The following KLHL1 variants were observed in gnomAD, a reference collection of about 807,000 sequenced individuals.
The protein encoded by KLHL1 is kelch-like protein 1.
In KLHL1, 47 loss-of-function variants were observed where a neutral mutation model predicts 77.7. That is an observed-to-expected ratio of 0.60 (90% CI 0.48 to 0.77). The LOEUF is 0.77. Ranked by LOEUF, KLHL1 falls within the 30% of genes least tolerant of loss-of-function variation. The pLI is 0.00. For missense variants in KLHL1, 925 were observed against 910.8 expected, an observed-to-expected ratio of 1.02 and a Z score of -0.20; for synonymous variants, 360 against 325.2, an observed-to-expected ratio of 1.11 and a Z score of -1.15.
intron 1 of KLHL1, among the ~76,000 whole-genome samples, chr13:70,068,902 A>G (rs1202963548): frequency 6.6e-6 from 1 of 152,164 alleles, no homozygotes; most frequent in African/African-American, 2.4e-5. Flanking sequence ...CAGGAGCCCT[A>G]CAAGGTTCTT....
chr13:69,930,434 A>G (rs187637674), intron 4 of KLHL1, among the ~76,000 whole-genome samples: 8 of 151,954 alleles, frequency 5.3e-5, no homozygotes, highest in Non-Finnish European at 1.0e-4. Context: ...CTTAAAAACC[A>G]AGCTTTAGAG....
intron 5 of KLHL1, among the ~76,000 whole-genome samples, chr13:69,841,461 TAC>T (rs2138114763): frequency 6.6e-6 from 1 of 151,912 alleles, no homozygotes; most frequent in South Asian, 2.1e-4. Context: ...CCATTTTATT[TAC>T]AGTGACTAAA....
At chr13:70,069,589 T>A (rs1887092813) in intron 1 of KLHL1, among the ~76,000 whole-genome samples, 1 of 152,028 alleles carries the variant, frequency 6.6e-6, no homozygotes, top group African/African-American at 2.4e-5. Context: ...GCAGACAACA[T>A]GCAATAGCAG....
intron 1 of KLHL1, among the ~76,000 whole-genome samples, chr13:70,045,942 T>C (rs1886485445): frequency 6.6e-6 from 1 of 152,180 alleles, no homozygotes; most frequent in African/African-American, 2.4e-5. Flanking sequence ...CTGGTAAAGG[T>C]TTCCTTTGTA....
At chr13:69,883,990 T>G (rs963625653) in intron 4 of KLHL1, among the ~76,000 whole-genome samples, 2 of 152,180 alleles carry the variant, frequency 1.3e-5, no homozygotes, top group African/African-American at 4.8e-5. Flanking sequence ...GTATAAAAAC[T>G]GCAGTAGAGT....
chr13:70,044,029 G>A (rs755722719), intron 1 of KLHL1, among the ~76,000 whole-genome samples: 1 of 151,948 alleles, frequency 6.6e-6, no homozygotes, highest in African/African-American at 2.4e-5. Flanking sequence ...GTAAATTCCC[G>A]TTGTCCTATT....
intron 6 of KLHL1, among the ~76,000 whole-genome samples, chr13:69,800,622 A>G (rs1210883268): frequency 6.6e-6 from 1 of 152,144 alleles, no homozygotes; most frequent in African/African-American, 2.4e-5. Context: ...ATTATTAATA[A>G]TAATATCCTT....
chr13:70,019,894 CCATCCT>C (rs1885747473), intron 1 of KLHL1, among the ~76,000 whole-genome samples: 1 of 152,064 alleles, frequency 6.6e-6, no homozygotes, highest in Non-Finnish European at 1.5e-5. Flanking sequence ...CATGAAGGCT[CCATCCT>C]CATGAATAAT....
chr13:69,951,128 G>C (rs1169390378), intron 3 of KLHL1, among the ~76,000 whole-genome samples: 3 of 151,482 alleles, frequency 2.0e-5, no homozygotes, highest in Admixed American at 6.6e-5. Flanking sequence ...TAATTGGTAT[G>C]TCATTTCTAT....
intron 7 of KLHL1, among the ~76,000 whole-genome samples, chr13:69,782,884 C>T (rs1485522100): frequency 3.3e-5 from 5 of 152,162 alleles, no homozygotes; most frequent in Admixed American, 6.5e-5. Context: ...CCCTGACCCC[C>T]GAGCAGCCTA....
chr13:69,740,057 C>T (rs1260205122), intron 8 of KLHL1, among the ~76,000 whole-genome samples: 1 of 152,050 alleles, frequency 6.6e-6, no homozygotes, highest in African/African-American at 2.4e-5. Context: ...AATGAAGATG[C>T]TTGGAAAGTA....
intron 4 of KLHL1, among the ~76,000 whole-genome samples, chr13:69,917,087 T>A (rs990998397): frequency 6.6e-6 from 1 of 152,030 alleles, no homozygotes. Context: ...TATAAATATA[T>A]ATGTATGCAT....
chr13:69,929,734 T>C (rs1038363819), intron 4 of KLHL1, among the ~76,000 whole-genome samples: 1 of 151,898 alleles, frequency 6.6e-6, no homozygotes, highest in Admixed American at 6.6e-5. Flanking sequence ...TTATTAGTCA[T>C]ATTTTTGGGT....
chr13:69,943,663 C>A (rs1190490720), intron 3 of KLHL1, among the ~76,000 whole-genome samples: 3 of 150,952 alleles, frequency 2.0e-5, no homozygotes, highest in Non-Finnish European at 4.4e-5. Context: ...AAATGTGTAT[C>A]TGCTGTTATA....
rs111910116 is a variant in KLHL1, at chr13:69,779,891, A to G, written c.1639+16847T>C. On this transcript the variant is annotated intron_variant, in intron 7 of 10. Coordinates refer to ENST00000377844, the MANE Select transcript of KLHL1 (RefSeq NM_020866.3). ...AATGGTGCGATCTCGGCTCACTGCA[A>G]CCTCCACCTGCCAGGTTCAAGTGAT... 7.9e-5 allele frequency among the ~76,000 whole-genome samples: 12 copies of G among 152,016 alleles called. 1 individual carries two copies. The highest frequency in any genetic ancestry group is 2.9e-4 in the African/African-American group (12 of 41,458).
At chr13:70,001,001 G>A (rs1885274849) in intron 1 of KLHL1, among the ~76,000 whole-genome samples, 1 of 150,732 alleles carries the variant, frequency 6.6e-6, no homozygotes, top group South Asian at 2.1e-4. Context: ...GCAAAATATA[G>A]AAAATATGGA....
At chr13:69,941,456 A>G (rs1351071344) in intron 3 of KLHL1, among the ~76,000 whole-genome samples, 5 of 152,108 alleles carry the variant, frequency 3.3e-5, no homozygotes. Flanking sequence ...AGTGATGCTA[A>G]GAGGAAAGTT....
At chr13:69,954,156 C>A (rs910976081) in intron 3 of KLHL1, among the ~76,000 whole-genome samples, 1 of 151,174 alleles carries the variant, frequency 6.6e-6, no homozygotes, top group Non-Finnish European at 1.5e-5. Flanking sequence ...GTCCAAGGAT[C>A]AGAATGAACA....
intron 4 of KLHL1, among the ~76,000 whole-genome samples, chr13:69,914,051 A>G (rs909311085): frequency 8.5e-5 from 13 of 152,104 alleles, no homozygotes; most frequent in African/African-American, 2.4e-4. Flanking sequence ...TCTTTCCCCA[A>G]TGCTGGATGC....
Sources: gnomAD v4.1 joint callset for allele counts (sites outside exome capture counted in the v4.1 genomes callset) on GRCh38, gnomAD v4.1.1 for gene constraint, MANE v1.5 for transcripts, NCBI Gene and HGNC (gene_info 2026-07-23, HGNC 2026-07-21) for gene names.